The following MOCOS variants were observed in gnomAD, a reference collection of about 807,000 sequenced individuals.
MOCOS encodes human molybdenum cofactor sulfurase.
A neutral mutation model predicts 83.6 loss-of-function variants in MOCOS; 86 were observed. The observed-to-expected ratio is 1.03, with a 90% CI of 0.86 to 1.23. The LOEUF is 1.23. Ranked by LOEUF, MOCOS falls within the 50% of genes most tolerant of loss-of-function variation. MOCOS has a pLI of 0.00. For missense variants in MOCOS, 1,120 were observed against 1,126.9 expected, an observed-to-expected ratio of 0.99 and a Z score of 0.09; for synonymous variants, 445 against 434.7, an observed-to-expected ratio of 1.02 and a Z score of -0.29.
chr18:36,219,874 T>A (rs1307116691), intron 8 of MOCOS, among the ~76,000 whole-genome samples, 181 bp from the exon 9 acceptor site: 2 of 152,182 alleles, frequency 1.3e-5, no homozygotes, highest in Non-Finnish European at 2.9e-5. Flanking sequence ...GATATCCAGC[T>A]CCTACATCAT....
chr18:36,222,605 AT>A (rs201371655), intron 9 of MOCOS, among the ~76,000 whole-genome samples: 57 of 140,288 alleles, frequency 4.1e-4, no homozygotes, highest in South Asian at 1.8e-3. Flanking sequence ...TAATTTTTTA[AT>A]TTTTTTTTTT....
intron 1 of MOCOS, among the ~76,000 whole-genome samples, chr18:36,190,464 C>G (rs565144510): frequency 6.6e-6 from 1 of 152,166 alleles, no homozygotes; most frequent in East Asian, 1.9e-4. Context: ...AAGTGTGTAG[C>G]ACAAACTGGG....
rs950454366 is a variant in MOCOS at position 36,215,387 on chromosome 18, C to T, written c.1336-129C>T. On this transcript the variant is annotated intron_variant, in intron 7 of 14. Transcript: ENST00000261326. ...TGAACTATGTCCCAGACGCACAGCA[C>T]ATATTAATGTTGCAGTTCTGTTTTC... The T allele has an allele frequency of 1.3e-5, 11 of 858,460 alleles. No homozygotes were observed. In the African/African-American group the frequency reaches 1.7e-4, roughly 13 times the overall value. 53.2% of individuals were successfully genotyped at this position (858,460 alleles called of 1,614,324 possible).
Position 36,187,607 on chromosome 18 carries a change from C to A in MOCOS, c.68C>A (p.Ala23Glu). 1 of 1,249,958 alleles carries A rather than the reference C, an allele frequency of 8.0e-7. No homozygotes were observed. The allele number at this position is 1,249,958 out of a possible 1,614,324, so 77.4% of individuals were successfully genotyped here. The change falls in exon 1 of 15, where the codon GCA becomes GAA. Residue 23 changes from alanine (A) to glutamate (E), a missense_variant. Transcript: ENST00000261326. ...TTCGCGGGTTCCCGGGACCCGAGCG[C>A]ACCGCGGCTAGCCTACGGCTACGGC... ...WTFAGSRDPS[A>E]PRLAYGYGPG...
At chr18:36,241,816 C>A (rs926579340) in intron 9 of MOCOS, among the ~76,000 whole-genome samples, 1 of 152,230 alleles carries the variant, frequency 6.6e-6, no homozygotes, top group African/African-American at 2.4e-5. Flanking sequence ...AGGCCCAATA[C>A]CACATGGAAG....
chr18:36,251,056 T>A, intron 10 of MOCOS, 103 bp from the exon 11 acceptor site: 7 of 1,395,848 alleles, frequency 5.0e-6, no homozygotes, highest in East Asian at 4.9e-5. Flanking sequence ...GCTCATGCAA[T>A]GTTTTGTTTT....
At chr18:36,190,757 CAAAAA>C (rs879701776) in intron 1 of MOCOS, among the ~76,000 whole-genome samples, 1 of 151,360 alleles carries the variant, frequency 6.6e-6, no homozygotes, top group African/African-American at 2.4e-5. Flanking sequence ...TCAAAAAAAA[CAAAAA>C]AACAAAACAA....
intron 9 of MOCOS, among the ~76,000 whole-genome samples, chr18:36,222,312 G>T (rs1024764537): frequency 3.3e-5 from 5 of 152,098 alleles, no homozygotes; most frequent in Non-Finnish European, 7.4e-5. Flanking sequence ...TCTCAATATT[G>T]TTTTTCATAT....
intron 9 of MOCOS, among the ~76,000 whole-genome samples, chr18:36,247,517 G>T (rs944924414): frequency 6.6e-6 from 1 of 152,178 alleles, no homozygotes; most frequent in Non-Finnish European, 1.5e-5. Context: ...ACCCCTGTGA[G>T]ATAAGTCCAG....
chr18:36,199,667 G>A lies in MOCOS; in HGVS notation c.300-16G>A, dbSNP rs747212702. The A allele has an allele frequency of 1.2e-6, 2 of 1,612,886 alleles. No individual in the cohort carries two copies. The highest frequency in any genetic ancestry group is 1.7e-6 in the Non-Finnish European group (2 of 1,180,026). ...GCTGAGATCCGCGGGTTGCGGGGAT[G>A]CTGTGCTTCTTCCAGAATCCTGGCG... On this transcript the variant is annotated splice_polypyrimidine_tract_variant and intron_variant, in intron 3 of 14. Coordinates refer to ENST00000261326, the MANE Select transcript of MOCOS (RefSeq NM_017947.4).
At chr18:36,260,606 C>T (rs1400041528) in intron 13 of MOCOS, among the ~76,000 whole-genome samples, 2 of 152,172 alleles carry the variant, frequency 1.3e-5, no homozygotes, top group Admixed American at 1.3e-4. Context: ...CACGCTTCAC[C>T]TTTTCTGCCT....
At chr18:36,238,186 T>A (rs2091566837) in intron 9 of MOCOS, among the ~76,000 whole-genome samples, 1 of 140,806 alleles carries the variant, frequency 7.1e-6, no homozygotes. Flanking sequence ...CTTTTGAATG[T>A]GTTTGCTCTT....
rs1245767823 is a variant in MOCOS at position 36,270,254 on chromosome 18, TAGG to T, written c.*1572_*1574del. 3 of 152,184 alleles carry T rather than the reference TAGG, an allele frequency of 2.0e-5. No homozygotes were observed. The highest frequency in any genetic ancestry group is 7.2e-5 in the African/African-American group (3 of 41,452). The allele number at this position is 152,184 out of a possible 1,614,324, so 9.4% of individuals were successfully genotyped here. A position where few individuals can be genotyped will look rare whatever the true frequency, so the allele number is the denominator to read the frequency against. ...GGACTTGTCCTCATCAGCTAACTGA[TAGG>T]AGAACAATGCCCTAAAGTAATGGAT... On this transcript the variant is annotated 3_prime_UTR_variant, in exon 15 of 15. Coordinates refer to ENST00000261326, the MANE Select transcript of MOCOS (RefSeq NM_017947.4).
At chr18:36,195,511 G>A (rs749053961) in intron 2 of MOCOS, among the ~76,000 whole-genome samples, 165 bp downstream of exon 2, 3 of 152,206 alleles carry the variant, frequency 2.0e-5, no homozygotes, top group Non-Finnish European at 4.4e-5. Flanking sequence ...ATTCTGTACT[G>A]TAAACATGTG....
chr18:36,222,385 A>G (rs1334781501), intron 9 of MOCOS, among the ~76,000 whole-genome samples: 3 of 152,156 alleles, frequency 2.0e-5, no homozygotes, highest in Non-Finnish European at 2.9e-5. Flanking sequence ...CACATTCTCG[A>G]CAACACTTAC....
intron 11 of MOCOS, among the ~76,000 whole-genome samples, chr18:36,256,417 A>G (rs1323944431): frequency 1.3e-5 from 2 of 151,812 alleles, no homozygotes; most frequent in African/African-American, 2.4e-5. Flanking sequence ...TGCTGGAACA[A>G]TTTCATCTCA....
chr18:36,249,264 C>G (rs2091613865), intron 10 of MOCOS, among the ~76,000 whole-genome samples: 1 of 152,164 alleles, frequency 6.6e-6, no homozygotes, highest in African/African-American at 2.4e-5. Context: ...GGGCTGTTCT[C>G]TCACCTCTGT....
intron 3 of MOCOS, among the ~76,000 whole-genome samples, chr18:36,199,024 C>T (rs973832748): frequency 3.9e-5 from 6 of 152,150 alleles, no homozygotes; most frequent in African/African-American, 1.4e-4. Flanking sequence ...CTCTGCAGTG[C>T]CAAAGTGACA....
At chr18:36,224,561 A>G (rs1325577951) in intron 9 of MOCOS, among the ~76,000 whole-genome samples, 1 of 152,180 alleles carries the variant, frequency 6.6e-6, no homozygotes, top group East Asian at 1.9e-4. Flanking sequence ...TTTCTCCTCT[A>G]TTCTGTTAAT....
Sources: allele counts gnomAD v4.1 joint callset (sites outside exome capture counted in the v4.1 genomes callset), GRCh38; gene constraint gnomAD v4.1.1; transcripts MANE v1.5; gene names NCBI Gene and HGNC (gene_info 2026-07-23, HGNC 2026-07-21).